MYO3B: variants seen among roughly 807,000 people sequenced by gnomAD.
MYO3B encodes myosin-IIIb.
A neutral mutation model predicts 174.6 loss-of-function variants in MYO3B; 156 were observed. The observed-to-expected ratio is 0.89, with a 90% CI of 0.78 to 1.02. The LOEUF (loss-of-function observed/expected upper bound fraction) is 1.02, where lower values mean the gene tolerates loss of function less well. Among genes scored for constraint, MYO3B ranks in the 50% least tolerant of loss-of-function variants. The pLI, the probability that MYO3B is intolerant of heterozygous loss-of-function variation, is 0.00. For synonymous variants in MYO3B, 563 were observed against 569.1 expected (o/e 0.99, Z 0.15); for missense variants, 1,632 against 1,639.4 (o/e 1.00, Z 0.08).
chr2:170,409,667 T>G (rs2094533266), intron 22 of MYO3B, among the ~76,000 whole-genome samples: 1 of 152,256 alleles, frequency 6.6e-6, no homozygotes. Context: ...AAGAACAGCT[T>G]CTAGTAATAA....
At chr2:170,407,616 T>A (rs988376565) in intron 21 of MYO3B, 99 bp from the exon 22 acceptor site, 11 of 1,374,150 alleles carry the variant, frequency 8.0e-6, no homozygotes, top group Non-Finnish European at 1.0e-5. Context: ...AGATGAGTTC[T>A]ATATAGAGGT....
At chr2:170,258,998 C>T (rs1040916668) in intron 7 of MYO3B, among the ~76,000 whole-genome samples, 5 of 151,994 alleles carry the variant, frequency 3.3e-5, no homozygotes, top group African/African-American at 1.2e-4. Context: ...ATTCATCTAA[C>T]CAAGGAGGTG....
Position 170,580,718 on chromosome 2 carries a change from ATGTGTG to A in MYO3B, c.3733+36766_3733+36771del, listed in dbSNP as rs59092368. Among the ~76,000 whole-genome samples the A allele has an allele frequency of 0.024, 3,458 of 142,770 alleles. 228 individuals are homozygous for A. The East Asian group carries it at 0.25, about 10-fold the overall frequency. The allele number at this position is 142,770 out of a possible 152,430, so 93.7% of individuals were successfully genotyped here. On this transcript the variant is annotated intron_variant, in intron 32 of 34. Transcript: ENST00000408978. ...CTTCAGGTCCCACAAAACCTTATAT[ATGTGTG>A]TGTGTGTGTGTGTGTGTGTGTGTGT...
chr2:170,529,453 CT>C (rs921694905), intron 30 of MYO3B, among the ~76,000 whole-genome samples: 18 of 148,372 alleles, frequency 1.2e-4, no homozygotes, highest in African/African-American at 3.2e-4. Context: ...TTCCTTCTTC[CT>C]TTTTTTTCTT....
intron 6 of MYO3B, among the ~76,000 whole-genome samples, chr2:170,221,317 A>AT (rs2092898195): frequency 6.6e-6 from 1 of 152,054 alleles, no homozygotes; most frequent in African/African-American, 2.4e-5. Context: ...ATCCTATTTT[A>AT]TTTTTGAGGA....
At chr2:170,573,641 A>G (rs1010206700) in intron 32 of MYO3B, among the ~76,000 whole-genome samples, 1 of 152,196 alleles carries the variant, frequency 6.6e-6, no homozygotes, top group Non-Finnish European at 1.5e-5. Context: ...ATTATTAAAT[A>G]AGCTCTAAGG....
chr2:170,493,185 T>G (rs776264164), intron 25 of MYO3B, among the ~76,000 whole-genome samples: 4 of 152,152 alleles, frequency 2.6e-5, no homozygotes, highest in Non-Finnish European at 5.9e-5. Flanking sequence ...ACCTATTATA[T>G]CTAAACAAGC....
intron 30 of MYO3B, among the ~76,000 whole-genome samples, chr2:170,539,584 A>G (rs1487983368): frequency 1.3e-5 from 2 of 151,784 alleles, no homozygotes; most frequent in African/African-American, 2.4e-5. Flanking sequence ...CAGTTTGTCT[A>G]TGATTTTATC....
intron 7 of MYO3B, among the ~76,000 whole-genome samples, chr2:170,274,000 T>C (rs1050775574): frequency 1.3e-5 from 2 of 151,852 alleles, no homozygotes; most frequent in Non-Finnish European, 2.9e-5. Flanking sequence ...ATTTAATCGG[T>C]GATGTGTGTA....
intron 32 of MYO3B, among the ~76,000 whole-genome samples, chr2:170,607,288 A>T (rs1431730856): frequency 1.3e-5 from 2 of 152,252 alleles, no homozygotes; most frequent in East Asian, 3.8e-4. Context: ...ATTATGATGC[A>T]GAAATAAACA....
At chr2:170,312,236 T>C (rs2093745070) in intron 7 of MYO3B, among the ~76,000 whole-genome samples, 1 of 152,240 alleles carries the variant, frequency 6.6e-6, no homozygotes, top group Non-Finnish European at 1.5e-5. Flanking sequence ...TGTGATTTCA[T>C]GATATGACTA....
intron 25 of MYO3B, among the ~76,000 whole-genome samples, chr2:170,488,160 G>T (rs770740918): frequency 4.6e-5 from 7 of 152,206 alleles, no homozygotes; most frequent in Admixed American, 1.3e-4. Context: ...TGGTAAGGAT[G>T]TAAATTAGTG....
At chr2:170,572,483 T>C (rs1692504216) in intron 32 of MYO3B, among the ~76,000 whole-genome samples, 1 of 151,046 alleles carries the variant, frequency 6.6e-6, no homozygotes, top group Admixed American at 6.6e-5. Context: ...AGTGTGGTGG[T>C]GTGCTCCTGA....
intron 7 of MYO3B, among the ~76,000 whole-genome samples, chr2:170,287,916 G>A (rs1574721117): frequency 6.6e-6 from 1 of 152,044 alleles, no homozygotes; most frequent in Non-Finnish European, 1.5e-5. Flanking sequence ...GAGAGAGACT[G>A]GGGTCTAGTT....
At position 170,282,618 on chromosome 2, in the gene MYO3B, G is replaced by GT. The variant is rs199646070; in HGVS notation, c.749+46491dup. 2.0e-3 allele frequency among the ~76,000 whole-genome samples: 306 copies of GT among 150,784 alleles called. 1 individual carries two copies. Among genetic ancestry groups the GT allele is most frequent in the African/African-American group, 6.3e-3 (259 of 41,040 alleles). On this transcript the variant is annotated intron_variant, in intron 7 of 34. Coordinates refer to ENST00000408978, the MANE Select transcript of MYO3B (RefSeq NM_138995.5). ...TTTTTGGTTTCACATAAATTTTAGG[G>GT]TTTTTTTTTCTAATTCTGTGAAAAA...
At position 170,453,453 on chromosome 2, in the gene MYO3B, C is replaced by CACACACGA. The variant is rs749891550; in HGVS notation, c.2730+9407_2730+9408insACACACGA. On this transcript the variant is annotated intron_variant, in intron 23 of 34. Transcript: ENST00000408978. ...ACACACACACACACACACACACACA[C>CACACACGA]GAGAGAGAGAGAGAGAAAGAGAGAG... is the stretch of plus-strand genomic sequence containing the variant. Among the ~76,000 whole-genome samples the CACACACGA allele has an allele frequency of 3.3e-4, 40 of 123,056 alleles. 1 individual carries two copies. Among genetic ancestry groups the CACACACGA allele is most frequent in the African/African-American group, 1.1e-3 (37 of 34,420 alleles). 80.7% of individuals were successfully genotyped at this position (123,056 alleles called of 152,430 possible).
chr2:170,510,074 A>T (rs1687888104), intron 28 of MYO3B, among the ~76,000 whole-genome samples: 1 of 152,194 alleles, frequency 6.6e-6, no homozygotes, highest in African/African-American at 2.4e-5. Context: ...TAAAGTTGTG[A>T]CAGTTGAGAT....
chr2:170,641,877 GC>G (rs1421966408), intron 32 of MYO3B, among the ~76,000 whole-genome samples: 24 of 79,986 alleles, frequency 3.0e-4, no homozygotes, highest in African/African-American at 8.8e-4. Flanking sequence ...GGGGGGAGGG[GC>G]GGGGAGCCAT....
At chr2:170,413,688 A>G (rs1219871404) in intron 22 of MYO3B, among the ~76,000 whole-genome samples, 2 of 151,396 alleles carry the variant, frequency 1.3e-5, no homozygotes, top group Non-Finnish European at 3.0e-5. Flanking sequence ...TAAGGTTAAG[A>G]TGTTTTGGTT....
Sources: gnomAD v4.1 joint callset for allele counts (sites outside exome capture counted in the v4.1 genomes callset) on GRCh38, gnomAD v4.1.1 for gene constraint, MANE v1.5 for transcripts, NCBI Gene and HGNC (gene_info 2026-07-23, HGNC 2026-07-21) for gene names.